The following ATP10B variants were observed in gnomAD, a reference collection of about 807,000 sequenced individuals.
ATP10B encodes the protein phospholipid-transporting ATPase VB.
Under a neutral mutation model 141.2 loss-of-function variants are expected in ATP10B, and 122 were observed. The observed-to-expected ratio is 0.86, with a 90% confidence interval of 0.75 to 1.00. The LOEUF (loss-of-function observed/expected upper bound fraction) is 1.00, where lower values mean the gene tolerates loss of function less well. ATP10B is among the 50% of genes least tolerant of loss of function. ATP10B has a pLI of 0.00. For synonymous variants in ATP10B, 685 were observed against 692.0 expected, an observed-to-expected ratio of 0.99 and a Z score of 0.16; for missense variants, 1,876 against 1,825.3, an observed-to-expected ratio of 1.03 and a Z score of -0.51.
intron 1 of ATP10B, among the ~76,000 whole-genome samples, chr5:160,813,115 G>A (rs1561881390): frequency 6.6e-6 from 1 of 152,218 alleles, no homozygotes; most frequent in South Asian, 2.1e-4. Context: ...TCATCTCACT[G>A]GGGAGTGTCA....
At chr5:160,917,603 C>T in the ATP10B span, among the ~76,000 whole-genome samples, 4 of 152,138 alleles carry the variant, frequency 2.6e-5, no homozygotes, top group Non-Finnish European at 4.4e-5. Flanking sequence ...AAGATCTTTA[C>T]AATCCTCAAG....
intron 1 of ATP10B, among the ~76,000 whole-genome samples, chr5:160,850,425 A>G (rs906143673): frequency 2.6e-5 from 4 of 152,036 alleles, no homozygotes; most frequent in Non-Finnish European, 5.9e-5. Flanking sequence ...CTCCATCTCA[A>G]AACAAAACAA....
chr5:160,846,825 C>T (rs1776153570), intron 1 of ATP10B, among the ~76,000 whole-genome samples: 1 of 152,218 alleles, frequency 6.6e-6, no homozygotes, highest in South Asian at 2.1e-4. Context: ...CTGTCTCTTC[C>T]TGCCACATTG....
the ATP10B span, among the ~76,000 whole-genome samples, chr5:160,899,140 T>A: frequency 2.0e-5 from 3 of 152,114 alleles, no homozygotes; most frequent in Non-Finnish European, 2.9e-5. Context: ...ACTTAAGGTA[T>A]AATAAAAAGA....
chr5:160,697,888 T>A (rs1764463750), intron 3 of ATP10B, among the ~76,000 whole-genome samples: 1 of 152,186 alleles, frequency 6.6e-6, no homozygotes, highest in Admixed American at 6.5e-5. Flanking sequence ...CGATTGGTTT[T>A]CTCCTAGCTC....
chr5:160,821,787 T>G (rs1209676693), intron 1 of ATP10B, among the ~76,000 whole-genome samples: 1 of 152,068 alleles, frequency 6.6e-6, no homozygotes, highest in East Asian at 1.9e-4. Flanking sequence ...TAAATGGTGC[T>G]AGGAAAACCG....
intron 1 of ATP10B, among the ~76,000 whole-genome samples, chr5:160,803,408 C>T (rs146344456): frequency 1.2e-3 from 190 of 152,218 alleles, no homozygotes; most frequent in African/African-American, 4.4e-3. Context: ...CCAGGCACGG[C>T]GGCTCACACC....
chr5:160,733,587 T>C (rs1366205028), intron 2 of ATP10B, among the ~76,000 whole-genome samples: 1 of 151,782 alleles, frequency 6.6e-6, no homozygotes, highest in African/African-American at 2.4e-5. Flanking sequence ...TCACATATGT[T>C]ACATATATAC....
chr5:160,870,736 T>A, the ATP10B span, among the ~76,000 whole-genome samples: 1 of 145,242 alleles, frequency 6.9e-6, no homozygotes, highest in African/African-American at 2.5e-5. Flanking sequence ...CCAGGAGAAA[T>A]GCCAAAAAAA....
At chr5:160,900,649 T>C in the ATP10B span, among the ~76,000 whole-genome samples, 3 of 152,200 alleles carry the variant, frequency 2.0e-5, no homozygotes, top group Non-Finnish European at 4.4e-5. Flanking sequence ...TTAAATGGCA[T>C]AGAAAATGAT....
At position 160,832,195 on chromosome 5, in the gene ATP10B, C is replaced by T. The variant is rs182931181; in HGVS notation, c.-576+19746G>A. On this transcript the variant is annotated intron_variant, in intron 1 of 25. Coordinates refer to ENST00000327245, the MANE Select transcript of ATP10B (RefSeq NM_025153.3). ...TTTAAAATAAGCCAACACCTTCAAA[C>T]TGGCAATTTTACCTTCAGGAAATCA... is the stretch of plus-strand genomic sequence containing the variant. Among the ~76,000 whole-genome samples, 910 of 152,266 alleles carry T rather than the reference C, an allele frequency of 6.0e-3. 10 individuals are homozygous for T. The highest frequency in any genetic ancestry group is 0.021 in the African/African-American group (866 of 41,568).
At chr5:160,568,645 T>C (rs139466892) in intron 25 of ATP10B, among the ~76,000 whole-genome samples, 10 of 152,276 alleles carry the variant, frequency 6.6e-5, no homozygotes, top group Non-Finnish European at 8.8e-5. Context: ...TGATCTGTGG[T>C]AGGCCTGTGA....
rs60078265 is a variant in ATP10B, at chr5:160,823,001, CATATATATATAT to C, written c.-576+28928_-576+28939del. 1.8e-3 allele frequency among the ~76,000 whole-genome samples: 62 copies of C among 34,498 alleles called. 2 individuals carry two copies. Among genetic ancestry groups the C allele is most frequent in the African/African-American group, 5.0e-3 (54 of 10,722 alleles). 22.6% of individuals were successfully genotyped at this position (34,498 alleles called of 152,430 possible). On this transcript the variant is annotated intron_variant, in intron 1 of 25. Coordinates refer to ENST00000327245, the MANE Select transcript of ATP10B (RefSeq NM_025153.3). ...AAAATTACATATACATATATATATA[CATATATATATAT>C]ATATATATATATATATATATATAAA...
At chr5:160,796,625 C>T (rs1331775702) in intron 1 of ATP10B, among the ~76,000 whole-genome samples, 1 of 152,216 alleles carries the variant, frequency 6.6e-6, no homozygotes, top group African/African-American at 2.4e-5. Flanking sequence ...CAAAGGATCT[C>T]ATTCCTCCAG....
At chr5:160,735,808 A>G (rs928790378) in intron 2 of ATP10B, among the ~76,000 whole-genome samples, 1 of 152,218 alleles carries the variant, frequency 6.6e-6, no homozygotes, top group Admixed American at 6.5e-5. Flanking sequence ...TCTGACCACA[A>G]TGGAATAAAA....
chr5:160,617,073 A>G (rs942979078), intron 16 of ATP10B, among the ~76,000 whole-genome samples: 2 of 152,188 alleles, frequency 1.3e-5, no homozygotes, highest in African/African-American at 2.4e-5. Context: ...GGCACTCCTG[A>G]TCTCTAATGC....
the ATP10B span, among the ~76,000 whole-genome samples, chr5:160,874,005 C>G: frequency 3.3e-5 from 5 of 152,208 alleles, no homozygotes; most frequent in African/African-American, 1.2e-4. Flanking sequence ...CAAAGCAGCC[C>G]AGAAGTTCGA....
chr5:160,576,661 G>A (rs1309231870), intron 24 of ATP10B, among the ~76,000 whole-genome samples: 1 of 152,242 alleles, frequency 6.6e-6, no homozygotes, highest in Admixed American at 6.5e-5. Context: ...CATTTGAGAT[G>A]AGGCCTGAAG....
At chr5:160,869,182 A>G in the ATP10B span, among the ~76,000 whole-genome samples, 1 of 152,180 alleles carries the variant, frequency 6.6e-6, no homozygotes, top group African/African-American at 2.4e-5. Context: ...ACACATAAAC[A>G]TGATCTGGTA....
Sources: gnomAD v4.1 joint callset for allele counts (sites outside exome capture counted in the v4.1 genomes callset) on GRCh38, gnomAD v4.1.1 for gene constraint, MANE v1.5 for transcripts, NCBI Gene and HGNC (gene_info 2026-07-23, HGNC 2026-07-21) for gene names.